Variants in WNT3A observed in about 807,000 individuals in gnomAD.
WNT3A encodes the protein protein Wnt-3a.
WNT3A carries 17 observed loss-of-function variants against 37.0 expected under a neutral mutation model. That is an observed-to-expected ratio of 0.46 (90% CI 0.31 to 0.69). The LOEUF (loss-of-function observed/expected upper bound fraction) is 0.69, where lower values mean the gene tolerates loss of function less well. Ranked by LOEUF, WNT3A falls within the 30% of genes least tolerant of loss-of-function variation. The probability of loss-of-function intolerance (pLI) is 0.05; values close to 1 mark genes in which losing one functional copy is unlikely to be tolerated. For missense variants in WNT3A, 411 were observed against 510.2 expected, an observed-to-expected ratio of 0.81 and a Z score of 1.87; for synonymous variants, 187 against 211.0, an observed-to-expected ratio of 0.89 and a Z score of 0.99.
intron 2 of WNT3A, among the ~76,000 whole-genome samples, chr1:228,049,449 ATTGGGGTACTTCCAG>A (rs1156433073): frequency 6.6e-6 from 1 of 152,208 alleles, no homozygotes; most frequent in African/African-American, 2.4e-5. Context: ...GTTAATGGAC[ATTGGGGTACTTCCAG>A]TTTGTGGCTT....
At chr1:228,017,317 A>G (rs2030563751) in intron 1 of WNT3A, among the ~76,000 whole-genome samples, 1 of 152,124 alleles carries the variant, frequency 6.6e-6, no homozygotes. Context: ...TGGGTATTGG[A>G]AGGGAGAAAC....
intron 2 of WNT3A, among the ~76,000 whole-genome samples, chr1:228,040,971 T>TTATA (rs4065965): frequency 0.027 from 3,755 of 138,042 alleles, 73 homozygotes; most frequent in Admixed American, 0.075. Context: ...GGTAGATATT[T>TTATA]TATATATATA....
intron 2 of WNT3A, among the ~76,000 whole-genome samples, chr1:228,046,556 G>A: frequency 6.6e-6 from 1 of 151,586 alleles, no homozygotes. Context: ...GTGTATTTGT[G>A]TGTGTGCATG....
Position 228,059,937 on chromosome 1 carries a change from T to A in WNT3A, c.*472T>A. The A allele has an allele frequency of 9.2e-7, 1 of 1,091,372 alleles. No individual in the cohort carries two copies. The highest frequency in any genetic ancestry group is 1.1e-6 in the Non-Finnish European group (1 of 890,664). The allele number at this position is 1,091,372 out of a possible 1,614,324, so 67.6% of individuals were successfully genotyped here. On this transcript the variant is annotated 3_prime_UTR_variant, in exon 4 of 4. Transcript: ENST00000284523. ...TCTAGGATGGGGCACGGCTCTGGGG[T>A]AGGCTGCTCCCTGAGGGCGGAGCGC...
chr1:228,042,135 T>C lies in WNT3A; in HGVS notation c.314-8521T>C, dbSNP rs1308289014. On this transcript the variant is annotated intron_variant, in intron 2 of 3. Coordinates refer to ENST00000284523, the MANE Select transcript of WNT3A (RefSeq NM_033131.4). This position sits in a 1 kb window ranked among gnomAD's most constrained non-coding sequence, Gnocchi z 5.2. Reference sequence around the variant, plus strand: ...CTGGCACTACAGGTGCACGCCACCATGCCCCGCTGATTTTTGTATTTTTAG... The same window carrying C: ...CTGGCACTACAGGTGCACGCCACCACGCCCCGCTGATTTTTGTATTTTTAG... Among the ~76,000 whole-genome samples, 2 of 152,140 alleles carry C rather than the reference T, an allele frequency of 1.3e-5. No individual in the cohort carries two copies. The highest frequency in any genetic ancestry group is 2.9e-5 in the Non-Finnish European group (2 of 68,024).
At position 228,060,053 on chromosome 1, in the gene WNT3A, G is replaced by C. The variant is rs761136814; in HGVS notation, c.*588G>C. On this transcript the variant is annotated 3_prime_UTR_variant, in exon 4 of 4. Coordinates refer to ENST00000284523, the MANE Select transcript of WNT3A (RefSeq NM_033131.4). Reference sequence around the variant, plus strand: ...CCAGGGCAAGGCCCCTTCCACGGGGGCTGTGGCTCTGGGTGGGCGTGGCCT... The same window carrying C: ...CCAGGGCAAGGCCCCTTCCACGGGGCCTGTGGCTCTGGGTGGGCGTGGCCT... The C allele has an allele frequency of 1.7e-5, 20 of 1,193,272 alleles. No homozygotes were observed. Among genetic ancestry groups the C allele is most frequent in the Non-Finnish European group, 1.9e-5 (18 of 942,710 alleles). 73.9% of individuals were successfully genotyped at this position (1,193,272 alleles called of 1,614,324 possible). A position where few individuals can be genotyped will look rare whatever the true frequency, so the allele number is the denominator to read the frequency against.
At chr1:228,030,204 G>A (rs2030965509) in intron 2 of WNT3A, among the ~76,000 whole-genome samples, 1 of 152,082 alleles carries the variant, frequency 6.6e-6, no homozygotes, top group African/African-American at 2.4e-5. Context: ...AGACCAGCCT[G>A]GCTAACATGG....
chr1:228,009,775 C>A (rs2030317422), intron 1 of WNT3A, among the ~76,000 whole-genome samples: 1 of 152,184 alleles, frequency 6.6e-6, no homozygotes, highest in African/African-American at 2.4e-5. Flanking sequence ...GAGGGAGAGG[C>A]AAAGGTGTCC....
rs80286438 is a variant in WNT3A, at chr1:228,059,491, G to C, written c.*26G>C. On this transcript the variant is annotated 3_prime_UTR_variant, in exon 4 of 4. Coordinates refer to ENST00000284523, the MANE Select transcript of WNT3A (RefSeq NM_033131.4). ...GCACCGGCCGCGGCTCCCCCTGGAC[G>C]GGGCGGGCCCTGCCTGAGGGTGGGC... 5,187 of 1,481,822 alleles carry C rather than the reference G, an allele frequency of 3.5e-3. 116 individuals carry two copies. The African/African-American group carries it at 0.052, about 15-fold the overall frequency. 91.8% of individuals were successfully genotyped at this position (1,481,822 alleles called of 1,614,324 possible). A position where few individuals can be genotyped will look rare whatever the true frequency, so the allele number is the denominator to read the frequency against.
At chr1:228,040,499 G>A (rs1015173965) in intron 2 of WNT3A, among the ~76,000 whole-genome samples, 3 of 152,146 alleles carry the variant, frequency 2.0e-5, no homozygotes, top group Admixed American at 6.5e-5. Flanking sequence ...CAGTCACTGC[G>A]TAATAAATAG....
chr1:228,007,456 C>T lies in WNT3A; in HGVS notation c.71+257C>T, dbSNP rs965529533. ...GGGAGGTTGCGGAGGTCCTAGCTGCCCCTGGCGTCGGACAGGGCGAGCAGT... is the reference window on the plus strand; with the variant it reads ...GGGAGGTTGCGGAGGTCCTAGCTGCTCCTGGCGTCGGACAGGGCGAGCAGT... On this transcript the variant is annotated intron_variant, in intron 1 of 3. Coordinates refer to ENST00000284523, the MANE Select transcript of WNT3A (RefSeq NM_033131.4). The surrounding 1 kb of genome is among the most constrained non-coding windows in gnomAD (Gnocchi z 6.0). Among the ~76,000 whole-genome samples the T allele has an allele frequency of 6.6e-6, 1 of 152,110 alleles. No homozygotes were observed. Among genetic ancestry groups the T allele is most frequent in the Non-Finnish European group, 1.5e-5 (1 of 68,014 alleles).
In WNT3A at chr1:228,031,152, G is replaced by A. The variant is rs1271007719; in HGVS notation, c.313+8244G>A. 2.0e-5 allele frequency among the ~76,000 whole-genome samples: 3 copies of A among 152,236 alleles called. No homozygotes were observed. In the East Asian group the frequency reaches 5.8e-4, roughly 29 times the overall value. On this transcript the variant is annotated intron_variant, in intron 2 of 3. Transcript: ENST00000284523. The surrounding 1 kb of genome is among the most constrained non-coding windows in gnomAD (Gnocchi z 4.8). The stretch of plus-strand genomic sequence containing the variant: ...GGGAAGGCACCGTGGGGCAGAGAGT[G>A]GGGACCCGAGGGTCAGGCTCAGAGT...
rs1200673370 is a variant in WNT3A, at chr1:228,050,469, G to A, written c.314-187G>A. On this transcript the variant is annotated intron_variant, in intron 2 of 3. Coordinates refer to ENST00000284523, the MANE Select transcript of WNT3A (RefSeq NM_033131.4). This position sits in a 1 kb window ranked among gnomAD's most constrained non-coding sequence, Gnocchi z 5.0. Reference sequence around the variant, plus strand: ...AAACAGCCTGAGGCCCTTGCCAGAGGCAGTTGCTGGAGCCATGCTTCTGTG... The same window carrying A: ...AAACAGCCTGAGGCCCTTGCCAGAGACAGTTGCTGGAGCCATGCTTCTGTG... Among the ~76,000 whole-genome samples the A allele has an allele frequency of 1.3e-5, 2 of 152,212 alleles. No homozygotes were observed. The highest frequency in any genetic ancestry group is 3.8e-4 in the East Asian group (2 of 5,200).
chr1:228,025,577 G>A (rs1250719156), intron 2 of WNT3A, among the ~76,000 whole-genome samples: 1 of 152,156 alleles, frequency 6.6e-6, no homozygotes, highest in Non-Finnish European at 1.5e-5. Context: ...TCTAACTCCT[G>A]GGCTCAAGCG....
At chr1:228,047,131 TC>T (rs2031438636) in intron 2 of WNT3A, among the ~76,000 whole-genome samples, 1 of 152,162 alleles carries the variant, frequency 6.6e-6, no homozygotes, top group Non-Finnish European at 1.5e-5. Context: ...GCAGAGCCCT[TC>T]CTGAGCTGGT....
chr1:228,043,969 T>C (rs2031345750), intron 2 of WNT3A, among the ~76,000 whole-genome samples: 1 of 152,066 alleles, frequency 6.6e-6, no homozygotes. Context: ...TTTTAACTTT[T>C]TATTTATTTT....
intron 2 of WNT3A, among the ~76,000 whole-genome samples, chr1:228,024,759 C>T (rs1048097952): frequency 2.6e-5 from 4 of 152,162 alleles, no homozygotes; most frequent in Non-Finnish European, 5.9e-5. Context: ...TTCAAAAAAC[C>T]TAATAGTTTA....
At chr1:228,054,037 G>A (rs998564209) in intron 3 of WNT3A, among the ~76,000 whole-genome samples, 2 of 152,148 alleles carry the variant, frequency 1.3e-5, no homozygotes, top group Admixed American at 6.6e-5. Context: ...AGACTACAGA[G>A]GTTGCACTGC....
intron 1 of WNT3A, among the ~76,000 whole-genome samples, chr1:228,020,324 T>C (rs2030667492): frequency 6.6e-6 from 1 of 152,240 alleles, no homozygotes; most frequent in Non-Finnish European, 1.5e-5. Flanking sequence ...CTGGCGTTCC[T>C]GGGTGCTCTG....
Sources: gnomAD v4.1 joint callset for allele counts (sites outside exome capture counted in the v4.1 genomes callset) on GRCh38, gnomAD v4.1.1 for gene constraint, Gnocchi (gnomAD v3.1) non-coding constraint, MANE v1.5 for transcripts, NCBI Gene and HGNC (gene_info 2026-07-23, HGNC 2026-07-21) for gene names.